UQCRC2: variants seen among roughly 807,000 people sequenced by gnomAD.
UQCRC2 encodes cytochrome b-c1 complex subunit 2, mitochondrial.
In UQCRC2, 49 loss-of-function variants were observed where a neutral mutation model predicts 55.6. The observed-to-expected ratio is 0.88, with a 90% CI of 0.70 to 1.12. The LOEUF is 1.12. Among genes scored for constraint, UQCRC2 ranks in the 50% most tolerant of loss-of-function variants. UQCRC2 has a pLI of 0.00. For synonymous variants in UQCRC2, 193 were observed against 192.0 expected (o/e 1.01, Z -0.04); for missense variants, 506 against 547.8 (o/e 0.92, Z 0.76).
At chr16:21,954,841 C>T (rs971537754) in intron 1 of UQCRC2, among the ~76,000 whole-genome samples, 1 of 150,362 alleles carries the variant, frequency 6.7e-6, no homozygotes, top group African/African-American at 2.4e-5. Context: ...ATGAGGAGTT[C>T]GAAACCAGTC....
Position 21,953,429 on chromosome 16 carries a change from G to A in UQCRC2, c.6G>A (p.Lys2=), listed in dbSNP as rs1567466155. ...TGTCAGAACAATCTTGAATCATGAA[G>A]CTACTAACCAGAGCCGGCTCTTTCT... M[K]LLTRAGSFSR... The change falls in exon 1 of 14, where the codon AAG becomes AAA. Residue 2 remains lysine, a synonymous_variant. Coordinates refer to ENST00000268379, the MANE Select transcript of UQCRC2 (RefSeq NM_003366.4). The A allele has an allele frequency of 1.9e-6, 3 of 1,613,272 alleles. No individual in the cohort carries two copies. Among genetic ancestry groups the A allele is most frequent in the Non-Finnish European group, 2.5e-6 (3 of 1,179,784 alleles).
At chr16:21,974,096 T>G in intron 11 of UQCRC2, 120 bp downstream of exon 11, 1 of 813,482 alleles carries the variant, frequency 1.2e-6, no homozygotes, top group Non-Finnish European at 1.9e-6. Flanking sequence ...ATCAGAGCTC[T>G]GTATAGTATG....
chr16:21,982,520 T>TA (rs1170679073), intron 13 of UQCRC2, among the ~76,000 whole-genome samples: 1 of 152,186 alleles, frequency 6.6e-6, no homozygotes, highest in Non-Finnish European at 1.5e-5. Context: ...GCTACCCTCT[T>TA]ACCAGTGTTG....
intron 12 of UQCRC2, among the ~76,000 whole-genome samples, chr16:21,978,709 T>C (rs986658095): frequency 6.6e-6 from 1 of 152,118 alleles, no homozygotes; most frequent in Non-Finnish European, 1.5e-5. Context: ...ACGTAAACGG[T>C]TCACGTACTT....
At position 21,971,996 on chromosome 16, in the gene UQCRC2, T is replaced by C. The variant is rs968857184; in HGVS notation, c.840T>C (p.Ser280=). The C allele has an allele frequency of 3.7e-6, 6 of 1,614,028 alleles. 1 individual carries two copies. The highest frequency in any genetic ancestry group is 1.7e-5 in the Admixed American group (1 of 60,004). Residue 280 remains serine, a synonymous_variant, in exon 10 of 14, where the codon AGT becomes AGC. Coordinates refer to ENST00000268379, the MANE Select transcript of UQCRC2 (RefSeq NM_003366.4). Reference sequence around the variant, plus strand: ...TAGCAGAAAGTGCTGTCGCGGGAAGTGCAGAGGCAAATGCATTTAGTGTTC... The same window carrying C: ...TAGCAGAAAGTGCTGTCGCGGGAAGCGCAGAGGCAAATGCATTTAGTGTTC... The part of the protein sequence containing the change: ...AFVAESAVAG[S]AEANAFSVLQ...
intron 10 of UQCRC2, among the ~76,000 whole-genome samples, chr16:21,972,855 A>G (rs1296783175): frequency 6.6e-6 from 1 of 152,210 alleles, no homozygotes; most frequent in Non-Finnish European, 1.5e-5. Context: ...TAATCCCAGC[A>G]CTTTGGGAGG....
intron 12 of UQCRC2, chr16:21,980,196 A>G (rs1433578914): frequency 8.5e-6 from 2 of 234,096 alleles, no homozygotes; most frequent in Admixed American, 8.5e-5. Flanking sequence ...AGTGACATGC[A>G]GAGGATCCAG....
At chr16:21,974,015 T>C in intron 11 of UQCRC2, 39 bp downstream of exon 11, 1 of 1,533,416 alleles carries the variant, frequency 6.5e-7, no homozygotes, top group Non-Finnish European at 8.9e-7. Flanking sequence ...CATGAACAAG[T>C]TATTTCTCCC....
chr16:21,965,220 T>G (rs1898297341), intron 6 of UQCRC2, among the ~76,000 whole-genome samples, 188 bp from the exon 7 acceptor site: 1 of 152,244 alleles, frequency 6.6e-6, no homozygotes, highest in Non-Finnish European at 1.5e-5. Context: ...TTTATTTTTT[T>G]CTCAGCACAT....
In UQCRC2 at chr16:21,954,241, A is replaced by G. The variant is rs779273817; in HGVS notation, c.33+785A>G. Among the ~76,000 whole-genome samples the G allele has an allele frequency of 2.3e-4, 35 of 152,220 alleles. 1 individual carries two copies. Among genetic ancestry groups the G allele is most frequent in the Non-Finnish European group, 2.4e-4 (16 of 68,032 alleles). On this transcript the variant is annotated intron_variant, in intron 1 of 13. Coordinates refer to ENST00000268379, the MANE Select transcript of UQCRC2 (RefSeq NM_003366.4). ...TGCAACAACTTGTAAGGAGGGTGCTATTGGCATGGAGAGGCCAGGGATGCT... is the reference window on the plus strand; with the variant it reads ...TGCAACAACTTGTAAGGAGGGTGCTGTTGGCATGGAGAGGCCAGGGATGCT...
At chr16:21,962,385 G>T in intron 4 of UQCRC2, 75 bp from the exon 5 acceptor site, 1 of 1,540,354 alleles carries the variant, frequency 6.5e-7, no homozygotes, top group Non-Finnish European at 8.9e-7. Flanking sequence ...CAAAGGAATT[G>T]GTTGATAGAA....
At chr16:21,983,022 G>A in intron 13 of UQCRC2, 66 bp from the exon 14 acceptor site, 2 of 1,307,600 alleles carry the variant, frequency 1.5e-6, no homozygotes, top group Non-Finnish European at 2.1e-6. Flanking sequence ...GACAAAATAA[G>A]TTCGCCTGCT....
chr16:21,980,721 C>T (rs377651641), intron 13 of UQCRC2, 21 bp downstream of exon 13: 3 of 1,611,480 alleles, frequency 1.9e-6, no homozygotes, highest in African/African-American at 1.3e-5. Context: ...GAAAACTTAA[C>T]GATTTAACAA....
chr16:21,980,813 T>G (rs1898706570), intron 13 of UQCRC2, 113 bp downstream of exon 13: 1 of 1,260,116 alleles, frequency 7.9e-7, no homozygotes, highest in African/African-American at 1.5e-5. Flanking sequence ...TGTTTGGTGC[T>G]CATCTACTTA....
At position 21,983,223 on chromosome 16, in the gene UQCRC2, A is replaced by G; in HGVS notation, c.*52A>G. On this transcript the variant is annotated 3_prime_UTR_variant, in exon 14 of 14. Coordinates refer to ENST00000268379, the MANE Select transcript of UQCRC2 (RefSeq NM_003366.4). ...GCTGAACGTTCTCTCAGCCCAGAGC[A>G]GCAAACACATGAAAGTCAGAAGTCT... 2.0e-6 allele frequency: 3 copies of G among 1,522,814 alleles called. No individual in the cohort carries two copies. Among genetic ancestry groups the G allele is most frequent in the Non-Finnish European group, 2.7e-6 (3 of 1,109,828 alleles). 94.3% of individuals were successfully genotyped at this position (1,522,814 alleles called of 1,614,324 possible).
chr16:21,973,934 C>A lies in UQCRC2; in HGVS notation c.1005C>A (p.Leu335=). 1 of 1,612,648 alleles carries A rather than the reference C, an allele frequency of 6.2e-7. No individual in the cohort carries two copies. The highest frequency in any genetic ancestry group is 1.1e-5 in the South Asian group (1 of 90,772). ...AFNASYSDSG[L]FGIYTISQAT... is the part of the protein sequence containing the mutation. ...ATGCCAGTTACTCAGATTCTGGACT[C>A]TTTGGGATTTATACTATCTCCCAGG... Residue 335 remains leucine (L), a synonymous_variant, in exon 11 of 14, where the codon CTC becomes CTA. Transcript: ENST00000268379.
chr16:21,976,466 T>C (rs912056543), intron 12 of UQCRC2: 4 of 421,924 alleles, frequency 9.5e-6, no homozygotes, highest in East Asian at 4.3e-5. Flanking sequence ...CCAAGGCAGG[T>C]GGTTCATTTG....
chr16:21,974,942 G>T (rs565595963), intron 11 of UQCRC2, among the ~76,000 whole-genome samples: 1 of 152,322 alleles, frequency 6.6e-6, no homozygotes, highest in African/African-American at 2.4e-5. Flanking sequence ...TTTAAAGAAA[G>T]TAGTGAAGTT....
chr16:21,962,672 T>C, intron 5 of UQCRC2, 89 bp from the exon 6 acceptor site: 1 of 1,599,462 alleles, frequency 6.3e-7, no homozygotes, highest in Non-Finnish European at 8.6e-7. Flanking sequence ...GACCTAAAGT[T>C]TCACATTGAG....
Sources: allele counts gnomAD v4.1 joint callset (sites outside exome capture counted in the v4.1 genomes callset), GRCh38; gene constraint gnomAD v4.1.1; transcripts MANE v1.5; gene names NCBI Gene and HGNC (gene_info 2026-07-23, HGNC 2026-07-21).